SHANK2: variants seen among roughly 807,000 people sequenced by gnomAD.
SHANK2 encodes SH3 and multiple ankyrin repeat domains protein 2.
Under a neutral mutation model 133.7 loss-of-function variants are expected in SHANK2, and 43 were observed. That is an observed-to-expected ratio of 0.32 (90% CI 0.25 to 0.41). The LOEUF is 0.41. Ranked by LOEUF, SHANK2 falls within the 10% of genes least tolerant of loss-of-function variation. The pLI is 1.00. For synonymous variants in SHANK2, 1,017 were observed against 952.8 expected (o/e 1.07, Z -1.24); for missense variants, 1,994 against 2,235.8 (o/e 0.89, Z 2.18).
intron 12 of SHANK2, among the ~76,000 whole-genome samples, chr11:70,817,575 T>C (rs1488865653): frequency 6.6e-6 from 1 of 152,120 alleles, no homozygotes. Context: ...CGGTTCTAGG[T>C]GACAAAGGGG....
In SHANK2 at chr11:71,103,285, C is replaced by G. The variant is rs76937517; in HGVS notation, c.592+6656G>C. 1.2e-3 allele frequency among the ~76,000 whole-genome samples: 177 copies of G among 152,304 alleles called. 6 individuals carry two copies. In the East Asian group the frequency reaches 0.031, roughly 26 times the overall value. ...AGGCCTGGCAAGGCCCTGTGTGCTG[C>G]TGGAGCACAGCAGGTCACCAATAGA... On this transcript the variant is annotated intron_variant, in intron 6 of 25. Coordinates refer to ENST00000601538, the MANE Select transcript of SHANK2 (RefSeq NM_012309.5).
intron 10 of SHANK2, among the ~76,000 whole-genome samples, chr11:70,901,287 C>T (rs1449143543): frequency 6.6e-5 from 10 of 152,142 alleles, no homozygotes; most frequent in African/African-American, 1.9e-4. Context: ...ATGATATAAT[C>T]ACAGGTCAAA....
rs2059080125 is a variant in SHANK2, at chr11:70,502,826, G to C, written c.2167C>G (p.Leu723Val). ...TTCCTGGCGGTGTCGTCGGGGTCCA[G>C]ATTCCTGGTCACCGTGACCACCTTA... Reference protein sequence around the residue: ...VLKVVTVTRNLDPDDTARKKA... With the variant: ...VLKVVTVTRNVDPDDTARKKA... The change falls in exon 18 of 26, where the codon CTG becomes GTG. Residue 723 changes from leucine to valine, a missense_variant. Leu to Val is a conservative substitution (Grantham distance 32). Around this residue, in one of 5 missense-constraint regions of SHANK2, gnomAD observed 488 missense variants for 642.6 expected, o/e 0.76. Coordinates refer to ENST00000601538, the MANE Select transcript of SHANK2 (RefSeq NM_012309.5). The C allele has an allele frequency of 6.2e-7, 1 of 1,605,276 alleles. No individual in the cohort carries two copies. Among genetic ancestry groups the C allele is most frequent in the East Asian group, 2.3e-5 (1 of 44,442 alleles).
At chr11:70,917,344 T>C (rs558690630) in intron 10 of SHANK2, among the ~76,000 whole-genome samples, 13 of 152,246 alleles carry the variant, frequency 8.5e-5, no homozygotes, top group East Asian at 3.9e-4. Flanking sequence ...ATGGCTATTA[T>C]TAAAAAGTCA....
intron 10 of SHANK2, among the ~76,000 whole-genome samples, chr11:70,940,634 C>T (rs565334264): frequency 3.2e-4 from 49 of 152,164 alleles, no homozygotes; most frequent in East Asian, 3.9e-4. Flanking sequence ...CCCCCAGAAC[C>T]GACTCAATTT....
intron 14 of SHANK2, among the ~76,000 whole-genome samples, chr11:70,750,015 A>G: frequency 6.6e-6 from 1 of 152,352 alleles, no homozygotes; most frequent in South Asian, 2.1e-4. Context: ...TAGTTCCAGG[A>G]AAGATGGAGT....
At chr11:70,501,424 C>A in intron 20 of SHANK2, among the ~76,000 whole-genome samples, 1 of 152,360 alleles carries the variant, frequency 6.6e-6, no homozygotes, top group East Asian at 1.9e-4. Flanking sequence ...TGGACTGGAC[C>A]GTGGGCCTTG....
At chr11:70,671,583 T>C (rs1160765973) in intron 15 of SHANK2, among the ~76,000 whole-genome samples, 3 of 152,196 alleles carry the variant, frequency 2.0e-5, no homozygotes, top group Non-Finnish European at 4.4e-5. Flanking sequence ...AACAGATATT[T>C]TCACTTGTCC....
At chr11:71,082,375 T>C in intron 8 of SHANK2, among the ~76,000 whole-genome samples, 1 of 152,274 alleles carries the variant, frequency 6.6e-6, no homozygotes, top group East Asian at 1.9e-4. Context: ...ATCACCTCGA[T>C]ACCTAGATGG....
chr11:71,234,401 ATAAC>A lies in SHANK2; in HGVS notation c.-112-9609_-112-9606del, dbSNP rs1428815849. Among the ~76,000 whole-genome samples the A allele has an allele frequency of 6.4e-4, 96 of 149,938 alleles. 1 individual carries two copies. The highest frequency in any genetic ancestry group is 2.2e-3 in the African/African-American group (89 of 39,718). On this transcript the variant is annotated intron_variant, in intron 1 of 25. Coordinates refer to ENST00000601538, the MANE Select transcript of SHANK2 (RefSeq NM_012309.5). The stretch of plus-strand genomic sequence containing the variant: ...AATAAATAAATAAATAAATAAATAA[ATAAC>A]AACAAAATGTTAGCCTGCAGATGCA...
chr11:70,694,492 G>A (rs1945352290), intron 15 of SHANK2, among the ~76,000 whole-genome samples: 2 of 152,234 alleles, frequency 1.3e-5, no homozygotes, highest in African/African-American at 4.8e-5. Flanking sequence ...CGGCAGTGGG[G>A]TGGCCTCAGC....
intron 2 of SHANK2, among the ~76,000 whole-genome samples, chr11:71,211,091 G>T (rs1954268257): frequency 1.3e-5 from 2 of 151,558 alleles, no homozygotes; most frequent in African/African-American, 4.9e-5. Flanking sequence ...AGTTCACGAT[G>T]ACAGCTCCCT....
At chr11:71,168,432 G>A (rs1555111601) in intron 2 of SHANK2, among the ~76,000 whole-genome samples, 1 of 152,010 alleles carries the variant, frequency 6.6e-6, no homozygotes, top group East Asian at 1.9e-4. Context: ...TGGCGGCCGG[G>A]CAGAGGCTGC....
intron 3 of SHANK2, among the ~76,000 whole-genome samples, chr11:71,123,855 G>A (rs1418705319): frequency 6.6e-6 from 1 of 152,150 alleles, no homozygotes; most frequent in Non-Finnish European, 1.5e-5. Context: ...TTCTCCTTGA[G>A]CTTCTATCTT....
chr11:70,595,332 C>T (rs985441298), intron 17 of SHANK2, among the ~76,000 whole-genome samples: 4 of 152,190 alleles, frequency 2.6e-5, no homozygotes, highest in Non-Finnish European at 5.9e-5. Flanking sequence ...CAGCCGAGGC[C>T]GCTGCGTTTG....
chr11:70,728,237 T>C (rs782486780), intron 14 of SHANK2, among the ~76,000 whole-genome samples: 4 of 152,056 alleles, frequency 2.6e-5, no homozygotes, highest in African/African-American at 9.7e-5. Flanking sequence ...ATCCAACAAA[T>C]GAGAGTGTCC....
chr11:71,167,214 C>A (rs188544708), intron 2 of SHANK2, among the ~76,000 whole-genome samples: 1,783 of 152,284 alleles, frequency 0.012, 31 homozygotes, highest in African/African-American at 0.04. Flanking sequence ...GGCAACCATC[C>A]GATTCTCAAT....
intron 11 of SHANK2, among the ~76,000 whole-genome samples, chr11:70,851,982 TG>T (rs754792501): frequency 2.1e-4 from 32 of 152,232 alleles, no homozygotes; most frequent in Non-Finnish European, 3.2e-4. Flanking sequence ...CCAGGCAGTC[TG>T]TTCCCATTCC....
intron 15 of SHANK2, among the ~76,000 whole-genome samples, chr11:70,672,366 C>A (rs1944829663): frequency 6.6e-6 from 1 of 152,156 alleles, no homozygotes; most frequent in Admixed American, 6.5e-5. Context: ...ACCCAGCCTC[C>A]CCATTATAAT....
Sources: allele counts gnomAD v4.1 joint callset (sites outside exome capture counted in the v4.1 genomes callset), GRCh38; gene constraint gnomAD v4.1.1; regional missense constraint gnomAD v4.1.1; transcripts MANE v1.5; gene names NCBI Gene and HGNC (gene_info 2026-07-23, HGNC 2026-07-21).